MYO1F: variants seen among roughly 807,000 people sequenced by gnomAD.
MYO1F encodes myosin IF.
A neutral mutation model predicts 146.6 loss-of-function variants in MYO1F; 60 were observed. The observed-to-expected ratio is 0.41, with a 90% confidence interval of 0.33 to 0.51. The LOEUF is 0.51. MYO1F is among the 20% of genes least tolerant of loss of function. The pLI, the probability that MYO1F is intolerant of heterozygous loss-of-function variation, is 0.25. For synonymous variants in MYO1F, 602 were observed against 602.1 expected, an observed-to-expected ratio of 1.00 and a Z score of 0.00; for missense variants, 1,274 against 1,534.3, an observed-to-expected ratio of 0.83 and a Z score of 2.83.
chr19:8,555,818 G>A lies in MYO1F; in HGVS notation c.4-22C>T, dbSNP rs374104823. The A allele has an allele frequency of 1.5e-4, 242 of 1,604,094 alleles. No homozygotes were observed. The African/African-American group carries it at 3.0e-3, about 20-fold the overall frequency. ...TGCCCTGGGGGGTGAGAGGGGGGTC[G>A]GGGTGAGCCCTTGCACGGGGATGCG... On this transcript the variant is annotated intron_variant, in intron 1 of 27. Transcript: ENST00000644032.
At chr19:8,533,316 A>AGT in intron 19 of MYO1F, among the ~76,000 whole-genome samples, 3 of 149,692 alleles carry the variant, frequency 2.0e-5, no homozygotes, top group African/African-American at 7.4e-5. Context: ...GGCGTGAGCC[A>AGT]GCGTGCCCAG....
At chr19:8,562,155 A>ACTTTTT in intron 1 of MYO1F, among the ~76,000 whole-genome samples, 1 of 140,788 alleles carries the variant, frequency 7.1e-6, no homozygotes, top group African/African-American at 2.9e-5. Context: ...CTGCCCGGCT[A>ACTTTTT]ATTTTTTCTT....
chr19:8,565,771 AC>A (rs2041991171), intron 1 of MYO1F, among the ~76,000 whole-genome samples: 1 of 151,496 alleles, frequency 6.6e-6, no homozygotes, highest in African/African-American at 2.4e-5. Context: ...GATGGAAATA[AC>A]AACAATAGAA....
chr19:8,542,038 T>G, intron 14 of MYO1F, 47 bp from the exon 15 acceptor site: 2 of 1,397,820 alleles, frequency 1.4e-6, no homozygotes, highest in Non-Finnish European at 1.0e-6. Context: ...GAAACCTGGC[T>G]GGGAGGGTGG....
intron 12 of MYO1F, 66 bp downstream of exon 12, chr19:8,547,970 T>G: frequency 1.3e-6 from 2 of 1,485,536 alleles, no homozygotes; most frequent in Non-Finnish European, 1.9e-6. Context: ...TGCTAAGGGA[T>G]CCTCATGGTC....
chr19:8,569,840 C>T (rs967106447), intron 1 of MYO1F, among the ~76,000 whole-genome samples: 10 of 152,154 alleles, frequency 6.6e-5, no homozygotes, highest in African/African-American at 2.4e-4. Context: ...ATAGACAGCC[C>T]AGGCCATGTG....
intron 10 of MYO1F, among the ~76,000 whole-genome samples, chr19:8,548,766 A>G (rs1973481208): frequency 6.6e-6 from 1 of 151,112 alleles, no homozygotes; most frequent in Admixed American, 6.6e-5. Context: ...ACGCCCGGCT[A>G]ATTTTTTGTA....
chr19:8,536,409 GGCTGGGGTGTGGGAGT>G lies in MYO1F; in HGVS notation c.1899-29_1899-14del. On this transcript the variant is annotated splice_polypyrimidine_tract_variant and intron_variant, in intron 18 of 27. Transcript: ENST00000644032. ...CAGAATGGCATACCTGAGGGCGGAG[GGCTGGGGTGTGGGAGT>G]GCTCATAGCAGACAGGCCTGGCTGG... The G allele has an allele frequency of 6.2e-7, 1 of 1,607,714 alleles. No individual in the cohort carries two copies.
intron 12 of MYO1F, among the ~76,000 whole-genome samples, chr19:8,546,875 C>T (rs1339220312): frequency 6.6e-6 from 1 of 152,112 alleles, no homozygotes; most frequent in Admixed American, 6.6e-5. Flanking sequence ...GATGGGGTTT[C>T]ACCATGTTGG....
intron 1 of MYO1F, among the ~76,000 whole-genome samples, chr19:8,559,946 ATC>A (rs1234521795): frequency 1.8e-5 from 2 of 113,528 alleles, no homozygotes; most frequent in African/African-American, 6.1e-5. Flanking sequence ...GCAAAACTCC[ATC>A]TCAGAAAAAA....
chr19:8,531,955 T>G (rs2145841201), intron 19 of MYO1F, among the ~76,000 whole-genome samples: 1 of 152,122 alleles, frequency 6.6e-6, no homozygotes, highest in East Asian at 1.9e-4. Flanking sequence ...CCGTCTCTAC[T>G]AATAATACAA....
chr19:8,543,478 A>C (rs1312748643), intron 14 of MYO1F, among the ~76,000 whole-genome samples: 1 of 151,664 alleles, frequency 6.6e-6, no homozygotes, highest in Non-Finnish European at 1.5e-5. Flanking sequence ...TCAGGGGGTT[A>C]TGACTCACAT....
At position 8,550,046 on chromosome 19, in the gene MYO1F, C is replaced by A. The variant is rs369963846; in HGVS notation, c.1101+114G>T. ...AACTTCTGGCCTCAAAGAATGCTCC[C>A]AACTCAGCCACCCAAAGCATTGGGA... On this transcript the variant is annotated intron_variant, in intron 10 of 27. Transcript: ENST00000644032. The A allele has an allele frequency of 4.3e-5, 54 of 1,252,818 alleles. No homozygotes were observed. In the African/African-American group the frequency reaches 7.7e-4, roughly 18 times the overall value. 77.6% of individuals were successfully genotyped at this position (1,252,818 alleles called of 1,614,324 possible).
At position 8,552,252 on chromosome 19, in the gene MYO1F, C is replaced by G. The variant is rs924866764; in HGVS notation, c.505-88G>C. 18 of 1,354,576 alleles carry G rather than the reference C, an allele frequency of 1.3e-5. No individual in the cohort carries two copies. The African/African-American group carries it at 1.5e-4, about 11-fold the overall frequency. 83.9% of individuals were successfully genotyped at this position (1,354,576 alleles called of 1,614,324 possible). A position where few individuals can be genotyped will look rare whatever the true frequency, so the allele number is the denominator to read the frequency against. ...GGGATGGGTCTTATGAGCCTTGCCT[C>G]TCTTCCCTTCTTCCTTTTTTTTTTG... On this transcript the variant is annotated intron_variant, in intron 6 of 27. Transcript: ENST00000644032.
chr19:8,545,852 C>G (rs1973326458), intron 12 of MYO1F, 116 bp from the exon 13 acceptor site: 2 of 791,248 alleles, frequency 2.5e-6, no homozygotes, highest in Middle Eastern at 2.3e-4. Flanking sequence ...GGTAACAAAG[C>G]CCGTCACTCC....
Position 8,521,455 on chromosome 19 carries a change from C to G in MYO1F, c.*73G>C. The G allele has an allele frequency of 6.6e-7, 1 of 1,507,618 alleles. No homozygotes were observed. 93.4% of individuals were successfully genotyped at this position (1,507,618 alleles called of 1,614,324 possible). ...CCCAGGTAAACGAGGCTCTCATTGG[C>G]AGGGCCTGGCTCCCCACCAGGCCGG... On this transcript the variant is annotated 3_prime_UTR_variant, in exon 28 of 28. Transcript: ENST00000644032.
chr19:8,520,787 T>TC lies in MYO1F; in HGVS notation c.*740_*741insG, dbSNP rs1972042185. On this transcript the variant is annotated 3_prime_UTR_variant, in exon 28 of 28. Transcript: ENST00000644032. The stretch of plus-strand genomic sequence containing the variant: ...CACCACCACACCCGGCTTTTTTTTT[T>TC]TTCTTTTTTAAATTTTTAGTAGAAA... The TC allele has an allele frequency of 6.6e-6, 1 of 151,234 alleles. No individual in the cohort carries two copies. The highest frequency in any genetic ancestry group is 2.4e-5 in the African/African-American group (1 of 41,002). The allele number at this position is 151,234 out of a possible 1,614,324, so 9.4% of individuals were successfully genotyped here. A position where few individuals can be genotyped will look rare whatever the true frequency, so the allele number is the denominator to read the frequency against.
At chr19:8,567,657 T>C (rs1283855928) in intron 1 of MYO1F, among the ~76,000 whole-genome samples, 4 of 152,320 alleles carry the variant, frequency 2.6e-5, no homozygotes, top group East Asian at 3.9e-4. Context: ...GCACCCATCC[T>C]GGGTCCATTT....
chr19:8,554,467 CTG>C lies in MYO1F; in HGVS notation c.326+8_326+9del, dbSNP rs1433952741. 16 of 1,599,668 alleles carry C rather than the reference CTG, an allele frequency of 1.0e-5. No individual in the cohort carries two copies. The highest frequency in any genetic ancestry group is 1.4e-5 in the Non-Finnish European group (16 of 1,167,862). On this transcript the variant is annotated splice_region_variant and intron_variant, in intron 4 of 27. Coordinates refer to ENST00000644032, the MANE Select transcript of MYO1F (RefSeq NM_012335.4). ...CAGCAGGGTCTGTGGCCCCCCAACT[CTG>C]TCCATACCTAATGATGACACACTGG... is the stretch of plus-strand genomic sequence containing the variant.
Sources: gnomAD v4.1 joint callset for allele counts (sites outside exome capture counted in the v4.1 genomes callset) on GRCh38, gnomAD v4.1.1 for gene constraint, MANE v1.5 for transcripts, NCBI Gene and HGNC (gene_info 2026-07-23, HGNC 2026-07-21) for gene names.